APBB2: variants seen among roughly 807,000 people sequenced by gnomAD.
APBB2 encodes the protein amyloid beta precursor protein binding family B member 2, also known as Fe65-like 1.
APBB2 carries 38 observed loss-of-function variants against 82.5 expected under a neutral mutation model. That is an observed-to-expected ratio of 0.46 (90% CI 0.36 to 0.60). APBB2 has a LOEUF of 0.60. APBB2 is among the 20% of genes least tolerant of loss of function. The probability of loss-of-function intolerance (pLI) is 0.00; values close to 1 mark genes in which losing one functional copy is unlikely to be tolerated. For missense variants in APBB2, 772 were observed against 972.3 expected (o/e 0.79, Z 2.74); for synonymous variants, 341 against 368.2 (o/e 0.93, Z 0.85).
At chr4:40,915,471 G>T (rs13102449) in intron 10 of APBB2, among the ~76,000 whole-genome samples, 44,193 of 152,050 alleles carry the variant, frequency 0.29, 6,705 homozygotes, top group East Asian at 0.52. Context: ...TTAAATGAAT[G>T]TATATCTGCG....
At chr4:40,901,909 A>ATATG (rs766567645) in intron 10 of APBB2, among the ~76,000 whole-genome samples, 11 of 145,542 alleles carry the variant, frequency 7.6e-5, no homozygotes, top group African/African-American at 2.8e-4. Context: ...ATCCAAAATT[A>ATATG]TGTGTGTGTG....
intron 15 of APBB2, 129 bp from the exon 16 acceptor site, chr4:40,823,888 T>C (rs1748881050): frequency 1.6e-6 from 1 of 630,374 alleles, no homozygotes; most frequent in Non-Finnish European, 2.8e-6. Flanking sequence ...TTCATTCTCA[T>C]GTTTGCTCAA....
intron 2 of APBB2, chr4:41,118,257 A>T (rs1234129341): frequency 6.6e-6 from 1 of 152,114 alleles, no homozygotes; most frequent in East Asian, 1.9e-4. Context: ...AGGAAATCTG[A>T]TCTAATTAGC....
intron 1 of APBB2, among the ~76,000 whole-genome samples, chr4:41,164,220 C>T (rs1261871149): frequency 6.6e-6 from 1 of 152,180 alleles, no homozygotes; most frequent in African/African-American, 2.4e-5. Context: ...GGTTTGACCA[C>T]AACCCGTCAC....
At position 40,814,770 on chromosome 4, in the gene APBB2, T is replaced by TTC. The variant is rs1305559706; in HGVS notation, c.*1320_*1321dup. The stretch of plus-strand genomic sequence containing the variant: ...AATTTGTATGTCTTTCCAGCTAAGT[T>TTC]TCTCACCTACATACGAAGGAGCAGG... On this transcript the variant is annotated 3_prime_UTR_variant, in exon 18 of 18. Coordinates refer to ENST00000508593, the MANE Select transcript of APBB2 (RefSeq NM_004307.2). The TTC allele has an allele frequency of 2.0e-5, 3 of 152,220 alleles. No homozygotes were observed. Among genetic ancestry groups the TTC allele is most frequent in the Non-Finnish European group, 4.4e-5 (3 of 68,040 alleles). 9.4% of individuals were successfully genotyped at this position (152,220 alleles called of 1,614,324 possible). A position where few individuals can be genotyped will look rare whatever the true frequency, so the allele number is the denominator to read the frequency against.
At chr4:41,193,544 G>T in intron 1 of APBB2, 1 of 985,124 alleles carries the variant, frequency 1.0e-6, no homozygotes, top group Non-Finnish European at 1.2e-6. Flanking sequence ...TGAGCTCTCC[G>T]AATGGAAACC....
At position 41,143,057 on chromosome 4, in the gene APBB2, C is replaced by G. The variant is rs574005753; in HGVS notation, c.-331G>C. 2 of 152,306 alleles carry G rather than the reference C, an allele frequency of 1.3e-5. No homozygotes were observed. Among genetic ancestry groups the G allele is most frequent in the South Asian group, 4.1e-4 (2 of 4,830 alleles). The allele number at this position is 152,306 out of a possible 1,614,324, so 9.4% of individuals were successfully genotyped here. On this transcript the variant is annotated 5_prime_UTR_variant, in exon 2 of 18. Transcript: ENST00000508593. The stretch of plus-strand genomic sequence containing the variant: ...TTTCTTTTATGGATTTTCCATCCAG[C>G]AAATGTTTCTGTTCCACGGCTGGGC...
At chr4:41,027,366 T>C (rs541348085) in intron 5 of APBB2, among the ~76,000 whole-genome samples, 589 of 8,772 alleles carry the variant, frequency 0.067, 12 homozygotes, top group African/African-American at 0.19. Context: ...TATTGTTACA[T>C]ATATATATAT....
At chr4:41,047,080 G>C (rs955802137) in intron 4 of APBB2, among the ~76,000 whole-genome samples, 1 of 152,212 alleles carries the variant, frequency 6.6e-6, no homozygotes, top group Admixed American at 6.5e-5. Flanking sequence ...GGTTTATAAT[G>C]TAATTTTGTT....
chr4:40,834,588 T>C (rs1044210528), intron 12 of APBB2, among the ~76,000 whole-genome samples: 1 of 152,162 alleles, frequency 6.6e-6, no homozygotes, highest in Non-Finnish European at 1.5e-5. Flanking sequence ...TTCCCTTACA[T>C]GCCAACAGGG....
intron 1 of APBB2, among the ~76,000 whole-genome samples, chr4:41,203,252 G>A (rs1302376593): frequency 6.6e-6 from 1 of 152,040 alleles, no homozygotes; most frequent in Non-Finnish European, 1.5e-5. Context: ...TCTAGTACTA[G>A]TAAAGGAAAA....
In APBB2 at chr4:40,832,648, A is replaced by G. The variant is rs1182181316; in HGVS notation, c.1530-2071T>C. ...GCTCTTCGCCTCCCTGCCTGTGCTC[A>G]GGCCATCTCCATCCCCTTGCCAGGA... On this transcript the variant is annotated intron_variant, in intron 12 of 17. Transcript: ENST00000508593. This position sits in a 1 kb window ranked among gnomAD's most constrained non-coding sequence, Gnocchi z 4.8. Among the ~76,000 whole-genome samples the G allele has an allele frequency of 6.6e-6, 1 of 152,124 alleles. No homozygotes were observed. The highest frequency in any genetic ancestry group is 2.4e-5 in the African/African-American group (1 of 41,428).
intron 1 of APBB2, among the ~76,000 whole-genome samples, chr4:41,211,639 C>T (rs981024873): frequency 3.3e-5 from 5 of 151,978 alleles, no homozygotes; most frequent in Non-Finnish European, 5.9e-5. Context: ...GGAGCCACCA[C>T]ACCCGGCTAA....
At chr4:40,941,607 T>C (rs2154378906) in intron 7 of APBB2, among the ~76,000 whole-genome samples, 1 of 152,332 alleles carries the variant, frequency 6.6e-6, no homozygotes, top group South Asian at 2.1e-4. Flanking sequence ...ACCAGATACA[T>C]AAGGATTTTG....
chr4:40,965,463 T>C lies in APBB2; in HGVS notation c.836-20390A>G, dbSNP rs763842830. Among the ~76,000 whole-genome samples, 70 of 152,170 alleles carry C rather than the reference T, an allele frequency of 4.6e-4. 1 individual carries two copies. The highest frequency in any genetic ancestry group is 7.6e-4 in the Non-Finnish European group (52 of 68,020). ...CTGTGCTGTCCAATAGGGGAGTCAGTGGCCACATGGGGCTACTGAGCATAT... is the reference window on the plus strand; with the variant it reads ...CTGTGCTGTCCAATAGGGGAGTCAGCGGCCACATGGGGCTACTGAGCATAT... On this transcript the variant is annotated intron_variant, in intron 6 of 17. Transcript: ENST00000508593.
At chr4:41,070,213 G>A (rs1733318219) in intron 3 of APBB2, among the ~76,000 whole-genome samples, 1 of 152,108 alleles carries the variant, frequency 6.6e-6, no homozygotes, top group East Asian at 1.9e-4. Flanking sequence ...GTCTGTTTTA[G>A]TCCTAATATA....
chr4:41,177,733 A>C (rs964778178), intron 1 of APBB2: 3 of 152,204 alleles, frequency 2.0e-5, no homozygotes, highest in African/African-American at 7.2e-5. Context: ...TGGTCTCAAC[A>C]GTGGTTGTTG....
chr4:41,073,745 G>C (rs1434103775), intron 3 of APBB2, among the ~76,000 whole-genome samples: 1 of 152,076 alleles, frequency 6.6e-6, no homozygotes, highest in Non-Finnish European at 1.5e-5. Flanking sequence ...TAAGACAAGT[G>C]AATCCCTTTA....
Position 40,885,586 on chromosome 4 carries a change from G to A in APBB2, c.1529+4778C>T, listed in dbSNP as rs116336345. Among the ~76,000 whole-genome samples the A allele has an allele frequency of 9.5e-3, 1,445 of 152,262 alleles. 23 individuals carry two copies. The highest frequency in any genetic ancestry group is 0.033 in the African/African-American group (1,361 of 41,534). On this transcript the variant is annotated intron_variant, in intron 12 of 17. Coordinates refer to ENST00000508593, the MANE Select transcript of APBB2 (RefSeq NM_004307.2). ...TAAGTCCATTCTTGGGGTTTGGATG[G>A]GTGAGTGTGTTTCTCATAGTTGCCA...
Sources: gnomAD v4.1 joint callset for allele counts (sites outside exome capture counted in the v4.1 genomes callset) on GRCh38, gnomAD v4.1.1 for gene constraint, Gnocchi (gnomAD v3.1) non-coding constraint, MANE v1.5 for transcripts, NCBI Gene and HGNC (gene_info 2026-07-23, HGNC 2026-07-21) for gene names.